The following USH2A variants were observed in gnomAD, a reference collection of about 807,000 sequenced individuals.
The protein encoded by USH2A is usherin.
A neutral mutation model predicts 538.9 loss-of-function variants in USH2A; 443 were observed. The ratio of observed to expected loss-of-function variants is 0.82; its 90% confidence interval spans 0.76 to 0.89. The LOEUF (loss-of-function observed/expected upper bound fraction) is 0.89, where lower values mean the gene tolerates loss of function less well. USH2A is among the 40% of genes least tolerant of loss of function. The pLI is 0.00. For synonymous variants in USH2A, 2,413 were observed against 2,273.5 expected (o/e 1.06, Z -1.75); for missense variants, 6,633 against 6,324.8 (o/e 1.05, Z -1.65).
intron 61 of USH2A, among the ~76,000 whole-genome samples, chr1:215,713,549 G>A (rs1659399981): frequency 6.6e-6 from 1 of 152,144 alleles, no homozygotes; most frequent in Non-Finnish European, 1.5e-5. Flanking sequence ...GCCATCAGAT[G>A]TTTCAAAACC....
chr1:215,875,671 G>T (rs1002666398), intron 43 of USH2A, among the ~76,000 whole-genome samples: 3 of 151,522 alleles, frequency 2.0e-5, no homozygotes, highest in African/African-American at 7.3e-5. Context: ...CTTATTCTTT[G>T]TTTTTGCTGA....
chr1:216,238,937 C>T (rs2035880939), intron 13 of USH2A, among the ~76,000 whole-genome samples: 1 of 152,062 alleles, frequency 6.6e-6, no homozygotes, highest in African/African-American at 2.4e-5. Flanking sequence ...ATCTAGGTCT[C>T]TCAGACATGT....
intron 26 of USH2A, among the ~76,000 whole-genome samples, chr1:216,080,958 T>G (rs2031922871): frequency 6.6e-6 from 1 of 151,854 alleles, no homozygotes; most frequent in Non-Finnish European, 1.5e-5. Flanking sequence ...TGTTTCTAGA[T>G]CCTAAGATTA....
At chr1:216,213,046 T>C (rs941777090) in intron 15 of USH2A, among the ~76,000 whole-genome samples, 6 of 152,102 alleles carry the variant, frequency 3.9e-5, no homozygotes, top group Non-Finnish European at 5.9e-5. Context: ...ATAGGTTTCC[T>C]GGAAACACAG....
At chr1:215,861,731 G>A (rs1384364506) in intron 44 of USH2A, among the ~76,000 whole-genome samples, 2 of 152,108 alleles carry the variant, frequency 1.3e-5, no homozygotes, top group East Asian at 3.9e-4. Context: ...ACCTGGCCAT[G>A]ACTAATTGCA....
At chr1:215,833,784 T>C (rs1190129756) in intron 47 of USH2A, among the ~76,000 whole-genome samples, 1 of 152,020 alleles carries the variant, frequency 6.6e-6, no homozygotes, top group East Asian at 1.9e-4. Flanking sequence ...GAAATATCTG[T>C]AAATCACATA....
At chr1:215,792,313 T>C (rs1164532627) in intron 50 of USH2A, among the ~76,000 whole-genome samples, 3 of 152,224 alleles carry the variant, frequency 2.0e-5, no homozygotes, top group Admixed American at 1.3e-4. Flanking sequence ...TTCATCTTTG[T>C]ATTACTGAAT....
At chr1:216,083,676 G>T in intron 25 of USH2A, 90 bp from the exon 26 acceptor site, 1 of 1,285,926 alleles carries the variant, frequency 7.8e-7, no homozygotes, top group Non-Finnish European at 1.1e-6. Context: ...GACACAGTCT[G>T]CCACTGAGTA....
chr1:215,826,575 G>A (rs1663162695), intron 47 of USH2A, among the ~76,000 whole-genome samples: 1 of 151,958 alleles, frequency 6.6e-6, no homozygotes, highest in Admixed American at 6.6e-5. Flanking sequence ...ATATTTTGAT[G>A]GTGATGGAAT....
intron 45 of USH2A, 67 bp downstream of exon 45, chr1:215,845,757 C>T: frequency 1.3e-6 from 2 of 1,550,438 alleles, no homozygotes; most frequent in Non-Finnish European, 1.8e-6. Context: ...CTGATCTCAA[C>T]CCCGGCAAGA....
chr1:216,085,407 C>T (rs1381995491), intron 24 of USH2A, among the ~76,000 whole-genome samples: 4 of 151,256 alleles, frequency 2.6e-5, no homozygotes, highest in Admixed American at 2.6e-4. Flanking sequence ...AGGGTGATAA[C>T]AGAAGGTTGA....
intron 11 of USH2A, among the ~76,000 whole-genome samples, chr1:216,257,568 G>A (rs1406758232): frequency 1.3e-5 from 2 of 151,652 alleles, no homozygotes; most frequent in African/African-American, 2.4e-5. Flanking sequence ...ATGGGTTTGT[G>A]GCTTTATGGT....
chr1:215,819,860 AC>A (rs554506894), intron 47 of USH2A, among the ~76,000 whole-genome samples: 3 of 151,918 alleles, frequency 2.0e-5, no homozygotes, highest in African/African-American at 7.2e-5. Context: ...ATTGGGTTTA[AC>A]ATCTGTACAT....
chr1:215,699,211 G>C (rs573209167), intron 61 of USH2A, among the ~76,000 whole-genome samples: 1 of 152,172 alleles, frequency 6.6e-6, no homozygotes, highest in Non-Finnish European at 1.5e-5. Context: ...ATGCTGTTTT[G>C]GTTACTGTAG....
intron 60 of USH2A, among the ~76,000 whole-genome samples, chr1:215,733,397 G>A (rs757651877): frequency 7.9e-5 from 12 of 151,962 alleles, no homozygotes; most frequent in Non-Finnish European, 1.6e-4. Flanking sequence ...GATTTAGAGA[G>A]GACAAACATA....
chr1:216,183,014 A>T (rs2102648319), intron 20 of USH2A, among the ~76,000 whole-genome samples: 1 of 152,202 alleles, frequency 6.6e-6, no homozygotes, highest in Non-Finnish European at 1.5e-5. Flanking sequence ...TTAATTAAGA[A>T]GTTAGTATAA....
At chr1:215,719,821 T>G (rs1179019036) in intron 61 of USH2A, among the ~76,000 whole-genome samples, 1 of 152,188 alleles carries the variant, frequency 6.6e-6, no homozygotes, top group East Asian at 1.9e-4. Flanking sequence ...GAGGAGGGAT[T>G]AACATGTGTG....
chr1:215,690,441 G>C (rs941109661), intron 61 of USH2A, among the ~76,000 whole-genome samples: 1 of 152,206 alleles, frequency 6.6e-6, no homozygotes, highest in Admixed American at 6.5e-5. Flanking sequence ...CTCATCTTTA[G>C]CTGGGTGTGG....
intron 69 of USH2A, among the ~76,000 whole-genome samples, chr1:215,636,487 C>T (rs1260756325): frequency 6.6e-6 from 1 of 152,208 alleles, no homozygotes; most frequent in Non-Finnish European, 1.5e-5. Flanking sequence ...TAATTAGGAA[C>T]CAATGTGTGT....
Sources: allele counts gnomAD v4.1 joint callset (sites outside exome capture counted in the v4.1 genomes callset), GRCh38; gene constraint gnomAD v4.1.1; transcripts MANE v1.5; gene names NCBI Gene and HGNC (gene_info 2026-07-23, HGNC 2026-07-21).